Variants in TASP1 observed in about 807,000 individuals in gnomAD.
The protein encoded by TASP1 is threonine aspartase 1.
In TASP1, 16 loss-of-function variants were observed where a neutral mutation model predicts 56.6. That is an observed-to-expected ratio of 0.28 (90% CI 0.19 to 0.43). TASP1 has a LOEUF of 0.43. TASP1 is among the 20% of genes least tolerant of loss of function. The pLI, the probability that TASP1 is intolerant of heterozygous loss-of-function variation, is 1.00. For synonymous variants in TASP1, 179 were observed against 184.2 expected (o/e 0.97, Z 0.23); for missense variants, 393 against 511.6 (o/e 0.77, Z 2.24).
chr20:13,337,004 T>C, the TASP1 span, among the ~76,000 whole-genome samples: 1 of 152,232 alleles, frequency 6.6e-6, no homozygotes, highest in Non-Finnish European at 1.5e-5. Flanking sequence ...TAGGACTAGA[T>C]GTTTCCAAGG....
chr20:13,588,346 AAGGT>A lies in TASP1; in HGVS notation c.283-980_283-977del, dbSNP rs1398519758. On this transcript the variant is annotated intron_variant, in intron 4 of 13. Transcript: ENST00000337743. Reference sequence around the variant, plus strand: ...GAAGGAAGGAAGGAAGGAAGGAAGGAAGGTAGGTAGGTAGGTCTAGATTGGAAAA... The same window carrying A: ...GAAGGAAGGAAGGAAGGAAGGAAGGAAGGTAGGTAGGTCTAGATTGGAAAA... Among the ~76,000 whole-genome samples, 5 of 143,208 alleles carry A rather than the reference AAGGT, an allele frequency of 3.5e-5. No homozygotes were observed. In the East Asian group the frequency reaches 6.1e-4, roughly 18 times the overall value. The allele number at this position is 143,208 out of a possible 152,430, so 94.0% of individuals were successfully genotyped here. A position where few individuals can be genotyped will look rare whatever the true frequency, so the allele number is the denominator to read the frequency against.
the TASP1 span, chr20:13,110,210 G>A: frequency 6.2e-7 from 1 of 1,613,354 alleles, no homozygotes; most frequent in Non-Finnish European, 8.5e-7. Flanking sequence ...GGTGGAGGGT[G>A]TCTACAGGTA....
At chr20:13,331,088 G>A in the TASP1 span, among the ~76,000 whole-genome samples, 2 of 152,038 alleles carry the variant, frequency 1.3e-5, no homozygotes, top group African/African-American at 2.4e-5. Context: ...TAAGGTTGGA[G>A]CTTAGATTGA....
chr20:13,120,526 T>C, the TASP1 span, among the ~76,000 whole-genome samples: 18 of 152,196 alleles, frequency 1.2e-4, no homozygotes, highest in African/African-American at 4.3e-4. Context: ...CTCTTAACTC[T>C]CTTTTTAAGT....
the TASP1 span, among the ~76,000 whole-genome samples, chr20:13,209,651 G>A: frequency 5.3e-5 from 8 of 152,134 alleles, no homozygotes; most frequent in East Asian, 1.9e-4. Flanking sequence ...ATTCTCCTTC[G>A]ACAAATCTAA....
At chr20:13,232,296 G>A in the TASP1 span, among the ~76,000 whole-genome samples, 2 of 152,172 alleles carry the variant, frequency 1.3e-5, no homozygotes, top group African/African-American at 2.4e-5. Context: ...AAGTTTCCTT[G>A]TGCTCCTCTG....
At chr20:13,343,283 T>G in the TASP1 span, among the ~76,000 whole-genome samples, 1 of 152,194 alleles carries the variant, frequency 6.6e-6, no homozygotes, top group Non-Finnish European at 1.5e-5. Context: ...TACCCAGCAC[T>G]CAGGAAGAGC....
chr20:13,498,229 C>A (rs547460217), intron 10 of TASP1, among the ~76,000 whole-genome samples: 1 of 152,080 alleles, frequency 6.6e-6, no homozygotes, highest in African/African-American at 2.4e-5. Flanking sequence ...TGACAAATGT[C>A]TAATATCCTG....
At chr20:13,322,036 A>T in the TASP1 span, among the ~76,000 whole-genome samples, 1 of 152,240 alleles carries the variant, frequency 6.6e-6, no homozygotes, top group Non-Finnish European at 1.5e-5. Flanking sequence ...GAAATTGTGC[A>T]TGTGTATCGC....
the TASP1 span, chr20:13,288,439 C>T: frequency 3.9e-6 from 5 of 1,275,958 alleles, no homozygotes; most frequent in Non-Finnish European, 4.3e-6. Context: ...TCCCCTCCCA[C>T]AGCGAGAAGG....
At chr20:13,199,346 T>G in the TASP1 span, among the ~76,000 whole-genome samples, 1 of 152,138 alleles carries the variant, frequency 6.6e-6, no homozygotes, top group African/African-American at 2.4e-5. Flanking sequence ...TTTCATTGCC[T>G]GTCTTCCTCC....
intron 8 of TASP1, among the ~76,000 whole-genome samples, chr20:13,544,370 T>C (rs2045730039): frequency 6.6e-6 from 1 of 152,214 alleles, no homozygotes; most frequent in South Asian, 2.1e-4. Flanking sequence ...TACTACACTT[T>C]AGCTCTAACT....
At chr20:13,233,560 A>G in the TASP1 span, among the ~76,000 whole-genome samples, 1 of 148,482 alleles carries the variant, frequency 6.7e-6, no homozygotes, top group Non-Finnish European at 1.5e-5. Context: ...GTGCTATTGC[A>G]TTCCTGCCTG....
the TASP1 span, among the ~76,000 whole-genome samples, chr20:13,303,727 A>G: frequency 6.6e-6 from 1 of 152,244 alleles, no homozygotes; most frequent in African/African-American, 2.4e-5. Context: ...TTTATTGAGC[A>G]TATACATACG....
At chr20:13,544,684 C>G (rs145090502) in intron 8 of TASP1, among the ~76,000 whole-genome samples, 4 of 152,174 alleles carry the variant, frequency 2.6e-5, no homozygotes, top group Non-Finnish European at 2.9e-5. Flanking sequence ...GCAACCTTTT[C>G]CAATTTAGTT....
At chr20:13,117,651 C>T in the TASP1 span, 1 of 1,614,084 alleles carries the variant, frequency 6.2e-7, no homozygotes, top group Non-Finnish European at 8.5e-7. Context: ...ACTAGACCCT[C>T]ATGAAGTTGA....
chr20:13,414,906 C>A (rs2042204134), intron 13 of TASP1, among the ~76,000 whole-genome samples: 1 of 151,964 alleles, frequency 6.6e-6, no homozygotes, highest in African/African-American at 2.4e-5. Flanking sequence ...TATTATCCAG[C>A]CTTTTCTACG....
chr20:13,394,943 AAGAAAATTAAG>A (rs1388670348), intron 13 of TASP1, among the ~76,000 whole-genome samples: 1 of 152,234 alleles, frequency 6.6e-6, no homozygotes, highest in Non-Finnish European at 1.5e-5. Flanking sequence ...ATTTTAAAAT[AAGAAAATTAAG>A]AGAAAAGTAA....
chr20:13,527,580 C>T (rs1056930281), intron 10 of TASP1, among the ~76,000 whole-genome samples: 5 of 152,104 alleles, frequency 3.3e-5, no homozygotes, highest in African/African-American at 1.2e-4. Flanking sequence ...TAAAACTCTC[C>T]ATGTCCACCA....
Sources: gnomAD v4.1 joint callset for allele counts (sites outside exome capture counted in the v4.1 genomes callset) on GRCh38, gnomAD v4.1.1 for gene constraint, MANE v1.5 for transcripts, NCBI Gene and HGNC (gene_info 2026-07-23, HGNC 2026-07-21) for gene names.